The following C17orf99 variants were observed in gnomAD, a reference collection of about 807,000 sequenced individuals.
C17orf99 encodes the protein protein IL-40.
C17orf99 carries 18 observed loss-of-function variants against 22.6 expected under a neutral mutation model. That is an observed-to-expected ratio of 0.80 (90% CI 0.55 to 1.18). C17orf99 has a LOEUF of 1.18. C17orf99 is among the 50% of genes most tolerant of loss of function. The pLI, the probability that C17orf99 is intolerant of heterozygous loss-of-function variation, is 0.00. For synonymous variants in C17orf99, 147 were observed against 136.6 expected, an observed-to-expected ratio of 1.08 and a Z score of -0.53; for missense variants, 328 against 342.7, an observed-to-expected ratio of 0.96 and a Z score of 0.34.
intron 3 of C17orf99, among the ~76,000 whole-genome samples, chr17:78,163,201 C>T (rs1248737624): frequency 6.6e-6 from 1 of 152,198 alleles, no homozygotes; most frequent in African/African-American, 2.4e-5. Context: ...CTGCAGTGAG[C>T]GGTGATCACA....
chr17:78,159,559 A>G (rs1198630251), intron 2 of C17orf99, among the ~76,000 whole-genome samples: 1 of 150,392 alleles, frequency 6.6e-6, no homozygotes, highest in Non-Finnish European at 1.5e-5. Flanking sequence ...GAATCTCTTG[A>G]ACACGGGAGG....
intron 2 of C17orf99, among the ~76,000 whole-genome samples, chr17:78,149,692 C>T (rs2075464246): frequency 1.3e-5 from 2 of 151,882 alleles, no homozygotes; most frequent in African/African-American, 4.8e-5. Context: ...CGCCATCACA[C>T]CCAGCTAATA....
At chr17:78,148,421 C>T (rs1056060961) in intron 2 of C17orf99, among the ~76,000 whole-genome samples, 11 of 151,952 alleles carry the variant, frequency 7.2e-5, no homozygotes, top group Non-Finnish European at 1.3e-4. Context: ...CCCAGCTACT[C>T]GGGAGGCTGA....
rs1207916351 is a variant in C17orf99 at position 78,164,339 on chromosome 17, C to T, written c.615C>T (p.His205=). The T allele has an allele frequency of 6.4e-7, 1 of 1,551,560 alleles. No individual in the cohort carries two copies. The highest frequency in any genetic ancestry group is 2.4e-5 in the East Asian group (1 of 40,934). Residue 205 remains histidine, a synonymous_variant, in exon 4 of 5, where the codon CAC becomes CAT. Transcript: ENST00000340363. ...CQAANNANVQ[H]SALTVVPPGG... ...CTGCAAACAACGCCAATGTCCAGCA[C>T]AGCGCCCTCACAGTGGTGCCCCCAG... is the stretch of plus-strand genomic sequence containing the variant.
At chr17:78,165,839 A>G in intron 4 of C17orf99, 50 bp from the exon 5 acceptor site, 1 of 1,279,538 alleles carries the variant, frequency 7.8e-7, no homozygotes, top group Non-Finnish European at 1.0e-6. Context: ...TCGGGAGGGG[A>G]TGGCTGGGAG....
At chr17:78,148,031 A>G (rs541328452) in intron 2 of C17orf99, among the ~76,000 whole-genome samples, 1 of 152,284 alleles carries the variant, frequency 6.6e-6, no homozygotes, top group South Asian at 2.1e-4. Context: ...GAATGTGGCA[A>G]GGCACTGAAA....
chr17:78,153,514 T>C (rs2075501752), intron 2 of C17orf99, among the ~76,000 whole-genome samples: 1 of 152,052 alleles, frequency 6.6e-6, no homozygotes, highest in African/African-American at 2.4e-5. Flanking sequence ...TGAATGTCCC[T>C]GGTACAGTGT....
intron 4 of C17orf99, chr17:78,164,662 G>A (rs773920668): frequency 1.9e-4 from 280 of 1,451,128 alleles, no homozygotes; most frequent in Non-Finnish European, 2.3e-4. Flanking sequence ...ACGTGGGCCA[G>A]GTAGGAAATG....
intron 2 of C17orf99, chr17:78,160,113 C>G (rs2075561726): frequency 8.8e-6 from 4 of 456,210 alleles, no homozygotes; most frequent in Middle Eastern, 3.3e-4. Flanking sequence ...TATGGTAAGT[C>G]TGTTTAACTT....
At chr17:78,152,584 C>T (rs1340235934) in intron 2 of C17orf99, among the ~76,000 whole-genome samples, 1 of 151,912 alleles carries the variant, frequency 6.6e-6, no homozygotes, top group Admixed American at 6.6e-5. Flanking sequence ...ATTCACCCAC[C>T]TTGACCTCCC....
chr17:78,155,045 C>T (rs928629090), intron 2 of C17orf99, among the ~76,000 whole-genome samples: 1 of 151,752 alleles, frequency 6.6e-6, no homozygotes, highest in Non-Finnish European at 1.5e-5. Context: ...CCATTCTTCG[C>T]GGTGGGGGCT....
At chr17:78,149,903 G>A (rs1426380098) in intron 2 of C17orf99, among the ~76,000 whole-genome samples, 1 of 151,946 alleles carries the variant, frequency 6.6e-6, no homozygotes, top group African/African-American at 2.4e-5. Flanking sequence ...TAGAGATGGG[G>A]TTTCACCATG....
chr17:78,156,401 G>GTTT (rs1252502865), intron 2 of C17orf99, among the ~76,000 whole-genome samples: 1 of 149,304 alleles, frequency 6.7e-6, no homozygotes, highest in Non-Finnish European at 1.5e-5. Flanking sequence ...TCTCAGAGAT[G>GTTT]TTTTCCACAA....
chr17:78,157,534 C>G (rs2075536530), intron 2 of C17orf99: 2 of 982,326 alleles, frequency 2.0e-6, no homozygotes, highest in South Asian at 2.8e-5. Context: ...CGCGGTGGCT[C>G]ACGCCCGTAA....
chr17:78,158,545 T>G (rs2145789529), intron 2 of C17orf99: 1 of 165,754 alleles, frequency 6.0e-6, no homozygotes, highest in Admixed American at 5.9e-5. Context: ...TCCACCCGCC[T>G]TGGCCTCCCA....
At chr17:78,162,379 T>C (rs1302416020) in intron 3 of C17orf99, among the ~76,000 whole-genome samples, 1 of 151,602 alleles carries the variant, frequency 6.6e-6, no homozygotes, top group Non-Finnish European at 1.5e-5. Context: ...CTTCTTCCTG[T>C]TTCCATCCTG....
upstream of C17orf99, chr17:78,146,353 G>A (rs1311508774): frequency 2.0e-5 from 31 of 1,524,888 alleles, no homozygotes; most frequent in East Asian, 3.7e-4. The surrounding 1 kb of genome is among the most constrained non-coding windows in gnomAD (Gnocchi z 5.2). Flanking sequence ...GGTGGGGGAG[G>A]CCAGGAACTA....
chr17:78,157,556 T>C (rs1308958328), intron 2 of C17orf99: 28 of 799,294 alleles, frequency 3.5e-5, no homozygotes, highest in Non-Finnish European at 4.5e-5. Flanking sequence ...CCCATCACTT[T>C]GGAAGACCGA....
intron 2 of C17orf99, chr17:78,157,414 A>G (rs1428631126): frequency 6.2e-6 from 8 of 1,289,928 alleles, no homozygotes; most frequent in Non-Finnish European, 8.5e-6. Context: ...TTGGAATCGA[A>G]GCCTCTTAAA....
Sources: allele counts gnomAD v4.1 joint callset (sites outside exome capture counted in the v4.1 genomes callset), GRCh38; gene constraint gnomAD v4.1.1; non-coding constraint Gnocchi (gnomAD v3.1); transcripts MANE v1.5; gene names NCBI Gene and HGNC (gene_info 2026-07-23, HGNC 2026-07-21).